The following DCX variants were observed in gnomAD, a reference collection of about 807,000 sequenced individuals.
DCX encodes the protein neuronal migration protein doublecortin.
A neutral mutation model predicts 20.9 loss-of-function variants in DCX; 4 were observed. The observed-to-expected ratio is 0.19, with a 90% CI of 0.09 to 0.44. The LOEUF is 0.44. Among genes scored for constraint, DCX ranks in the 20% least tolerant of loss-of-function variants. The pLI is 0.99. For missense variants in DCX, 133 were observed against 296.9 expected (o/e 0.45, Z 4.06); for synonymous variants, 103 against 111.4 (o/e 0.92, Z 0.47).
intron 6 of DCX, among the ~76,000 whole-genome samples, chrX:111,305,249 T>C (rs2095042528): frequency 9.0e-6 from 1 of 111,722 alleles, no homozygotes; most frequent in Non-Finnish European, 1.9e-5. Flanking sequence ...TTAAAAAAAA[T>C]AGTAAATGCG....
At chrX:111,356,988 A>G (rs1347811887) in intron 3 of DCX, among the ~76,000 whole-genome samples, 2 of 112,261 alleles carry the variant, frequency 1.8e-5, no homozygotes, top group Admixed American at 9.4e-5. Flanking sequence ...TTGGGGCCAA[A>G]GCAAAAGATT....
At chrX:111,304,910 T>C (rs995302557) in intron 6 of DCX, among the ~76,000 whole-genome samples, 14 of 111,679 alleles carry the variant, frequency 1.3e-4, no homozygotes, top group African/African-American at 4.6e-4. Flanking sequence ...TCTTTCCCCA[T>C]TGACTGACCC....
In DCX at chrX:111,397,967, C is replaced by CT. The variant is rs748874238; in HGVS notation, c.705+3022dup. Among the ~76,000 whole-genome samples, 131 of 111,142 alleles carry CT rather than the reference C, an allele frequency of 1.2e-3. No individual in the cohort carries two copies. The South Asian group carries it at 0.026, about 22-fold the overall frequency. ...AATGTGCCAGTGAGCACTGGAATCTCTAAGAATGGCACACAATTTGCAGCA... is the reference window on the plus strand; with the variant it reads ...AATGTGCCAGTGAGCACTGGAATCTCTTAAGAATGGCACACAATTTGCAGCA... On this transcript the variant is annotated intron_variant, in intron 3 of 6. Transcript: ENST00000636035.
chrX:111,411,956 A>G (rs1928749593), intron 1 of DCX, 182 bp downstream of exon 1: 1 of 111,967 alleles, frequency 8.9e-6, no homozygotes, highest in Non-Finnish European at 1.9e-5. Flanking sequence ...AAAACAAAGG[A>G]ACATCAAACT....
chrX:111,335,171 A>G (rs1921607749), intron 3 of DCX, among the ~76,000 whole-genome samples: 1 of 112,254 alleles, frequency 8.9e-6, no homozygotes, highest in African/African-American at 3.2e-5. Flanking sequence ...ATTTTTGGTC[A>G]TGAGTCAGGA....
At chrX:111,405,323 T>C (rs1928123942) in intron 2 of DCX, among the ~76,000 whole-genome samples, 1 of 112,515 alleles carries the variant, frequency 8.9e-6, no homozygotes, top group Non-Finnish European at 1.9e-5. Context: ...TTGATTATCA[T>C]ATCTATTAGC....
intron 2 of DCX, among the ~76,000 whole-genome samples, chrX:111,407,324 C>T (rs1462488241): frequency 3.6e-5 from 4 of 111,770 alleles, no homozygotes; most frequent in African/African-American, 1.3e-4. Flanking sequence ...AACCCAATGA[C>T]CCTGATATTT....
chrX:111,368,775 T>A (rs1190287131), intron 3 of DCX, among the ~76,000 whole-genome samples: 1 of 110,736 alleles, frequency 9.0e-6, no homozygotes, highest in African/African-American at 3.3e-5. Flanking sequence ...TTAATCTGTA[T>A]TCCCTAATTT....
intron 3 of DCX, among the ~76,000 whole-genome samples, chrX:111,355,007 C>T (rs933791645): frequency 6.2e-5 from 7 of 112,178 alleles, no homozygotes; most frequent in Non-Finnish European, 1.9e-5. Flanking sequence ...CAGCACTAAG[C>T]GAAGAGACAA....
intron 3 of DCX, among the ~76,000 whole-genome samples, chrX:111,335,903 G>A (rs866074778): frequency 3.6e-4 from 39 of 108,640 alleles, no homozygotes; most frequent in African/African-American, 1.2e-3. Context: ...GCAGTGAGCC[G>A]AGATCACACC....
intron 3 of DCX, among the ~76,000 whole-genome samples, chrX:111,381,498 T>C (rs1040781095): frequency 6.3e-5 from 7 of 110,519 alleles, no homozygotes; most frequent in Admixed American, 2.9e-4. Context: ...GAGGCTGACA[T>C]GAAAAAATGC....
At chrX:111,303,584 G>A (rs986443281) in intron 6 of DCX, among the ~76,000 whole-genome samples, 2 of 111,840 alleles carry the variant, frequency 1.8e-5, no homozygotes, top group African/African-American at 6.5e-5. Context: ...ATGGAAAGAC[G>A]AGTAAAGCAT....
chrX:111,332,265 T>C (rs1010068417), intron 4 of DCX, among the ~76,000 whole-genome samples: 2 of 112,213 alleles, frequency 1.8e-5, no homozygotes, highest in Non-Finnish European at 3.8e-5. Flanking sequence ...GTTTAGCTAT[T>C]CTATAGTCAT....
chrX:111,362,679 G>A (rs1924301817), intron 3 of DCX, among the ~76,000 whole-genome samples: 1 of 111,599 alleles, frequency 9.0e-6, no homozygotes, highest in African/African-American at 3.3e-5. Context: ...GCTAGAGACA[G>A]CCTTATGCAA....
At chrX:111,380,161 G>A (rs916481231) in intron 3 of DCX, among the ~76,000 whole-genome samples, 1 of 111,675 alleles carries the variant, frequency 9.0e-6, no homozygotes, top group African/African-American at 3.2e-5. Flanking sequence ...TGTATCATGT[G>A]CAGCACAGAA....
At chrX:111,359,077 TAG>T (rs889755326) in intron 3 of DCX, among the ~76,000 whole-genome samples, 2 of 111,201 alleles carry the variant, frequency 1.8e-5, no homozygotes, top group Non-Finnish European at 3.8e-5. Context: ...CTACAGTTCA[TAG>T]AGAGGAGAAA....
intron 6 of DCX, among the ~76,000 whole-genome samples, chrX:111,309,620 T>G (rs1445617559): frequency 2.7e-5 from 3 of 112,085 alleles, no homozygotes; most frequent in Non-Finnish European, 5.6e-5. Context: ...TCCTATGATA[T>G]TCCTGCCCCA....
intron 3 of DCX, among the ~76,000 whole-genome samples, chrX:111,393,532 A>C (rs967443690): frequency 8.9e-6 from 1 of 111,933 alleles, no homozygotes. Context: ...AAAACCATTA[A>C]GAAAATGAAG....
intron 3 of DCX, among the ~76,000 whole-genome samples, chrX:111,339,227 G>A (rs1346687738): frequency 9.0e-6 from 1 of 111,496 alleles, no homozygotes; most frequent in East Asian, 2.8e-4. Flanking sequence ...TTTACACACT[G>A]CTATGGTTTC....
Sources: gnomAD v4.1 joint callset for allele counts (sites outside exome capture counted in the v4.1 genomes callset) on GRCh38, gnomAD v4.1.1 for gene constraint, MANE v1.5 for transcripts, NCBI Gene and HGNC (gene_info 2026-07-23, HGNC 2026-07-21) for gene names.